Variants in FHIT observed in about 807,000 individuals in gnomAD.
The protein encoded by FHIT is bis(5'-adenosyl)-triphosphatase.
FHIT carries 19 observed loss-of-function variants against 17.9 expected under a neutral mutation model. The ratio of observed to expected loss-of-function variants is 1.06; its 90% CI spans 0.74 to 1.56. The LOEUF is 1.56. FHIT is among the 40% of genes most tolerant of loss of function. The pLI, the probability that FHIT is intolerant of heterozygous loss-of-function variation, is 0.00. For missense variants in FHIT, 248 were observed against 189.2 expected, an observed-to-expected ratio of 1.31 and a Z score of -1.82; for synonymous variants, 81 against 69.7, an observed-to-expected ratio of 1.16 and a Z score of -0.81.
At chr3:60,221,016 T>C (rs1703935608) in intron 5 of FHIT, among the ~76,000 whole-genome samples, 1 of 152,116 alleles carries the variant, frequency 6.6e-6, no homozygotes, top group Admixed American at 6.5e-5. Flanking sequence ...GCTAGCAACA[T>C]GAATTAACAA....
At chr3:60,134,133 C>G (rs1699709681) in intron 5 of FHIT, among the ~76,000 whole-genome samples, 1 of 152,082 alleles carries the variant, frequency 6.6e-6, no homozygotes, top group Non-Finnish European at 1.5e-5. Context: ...AGAAGTACTA[C>G]TCAGTCACTG....
At chr3:59,934,090 C>A (rs1706108009) in intron 7 of FHIT, among the ~76,000 whole-genome samples, 3 of 152,220 alleles carry the variant, frequency 2.0e-5, no homozygotes, top group South Asian at 4.1e-4. Flanking sequence ...CAAGAGGCAA[C>A]GGTAATAGCT....
chr3:61,181,866 T>A (rs2038354793), intron 2 of FHIT, among the ~76,000 whole-genome samples: 1 of 152,234 alleles, frequency 6.6e-6, no homozygotes, highest in Non-Finnish European at 1.5e-5. Context: ...ATGAAATAAA[T>A]ATTCTATTTA....
At chr3:61,192,406 C>A (rs1000084106) in intron 2 of FHIT, among the ~76,000 whole-genome samples, 15 of 152,140 alleles carry the variant, frequency 9.9e-5, no homozygotes, top group African/African-American at 3.6e-4. Context: ...CAGTGACAAC[C>A]ATCAAAGGCA....
intron 4 of FHIT, among the ~76,000 whole-genome samples, chr3:60,544,596 A>ATTTTTTTT (rs33965820): frequency 3.2e-5 from 4 of 124,436 alleles, no homozygotes; most frequent in Non-Finnish European, 4.8e-5. Flanking sequence ...TTCTCAACCT[A>ATTTTTTTT]TTTTTTTTTT....
chr3:61,166,347 T>C (rs1211756997), intron 2 of FHIT, among the ~76,000 whole-genome samples: 2 of 152,174 alleles, frequency 1.3e-5, no homozygotes, highest in South Asian at 2.1e-4. Context: ...CCAAACCTAG[T>C]GCTTTCTTCT....
At chr3:60,097,095 G>C (rs375313874) in intron 5 of FHIT, among the ~76,000 whole-genome samples, 23 of 150,860 alleles carry the variant, frequency 1.5e-4, no homozygotes, top group African/African-American at 5.1e-4. Context: ...TAGAGTACCA[G>C]GTGGCCAGGT....
At chr3:59,850,337 G>A (rs1701884306) in intron 8 of FHIT, among the ~76,000 whole-genome samples, 2 of 152,080 alleles carry the variant, frequency 1.3e-5, no homozygotes. Flanking sequence ...TTCCTAATTT[G>A]CAGCTGCATA....
chr3:59,925,044 TATC>T (rs2107203276), intron 7 of FHIT, among the ~76,000 whole-genome samples: 1 of 152,130 alleles, frequency 6.6e-6, no homozygotes, highest in South Asian at 2.1e-4. Context: ...TCTTTCCTTC[TATC>T]TTTTCTCTTT....
At chr3:60,356,282 T>C (rs1017925357) in intron 5 of FHIT, among the ~76,000 whole-genome samples, 6 of 152,184 alleles carry the variant, frequency 3.9e-5, no homozygotes, top group Non-Finnish European at 7.4e-5. Context: ...ACATCCTCCA[T>C]TGTAGAACAG....
At chr3:60,282,385 T>C (rs1391601363) in intron 5 of FHIT, among the ~76,000 whole-genome samples, 1 of 152,080 alleles carries the variant, frequency 6.6e-6, no homozygotes, top group East Asian at 1.9e-4. Flanking sequence ...TATGACATTA[T>C]GGAAAAGGGA....
chr3:61,196,841 A>G (rs973600256), intron 2 of FHIT, among the ~76,000 whole-genome samples: 1 of 152,170 alleles, frequency 6.6e-6, no homozygotes, highest in Non-Finnish European at 1.5e-5. Context: ...CCAACCCACA[A>G]TGCTGCAGGG....
intron 3 of FHIT, among the ~76,000 whole-genome samples, chr3:60,886,353 G>C (rs9849492): frequency 0.21 from 31,596 of 152,148 alleles, 3,513 homozygotes; most frequent in Middle Eastern, 0.27. Context: ...TTCATGAGAA[G>C]AACTTGAAAA....
chr3:60,702,541 G>A (rs547902279), intron 4 of FHIT, among the ~76,000 whole-genome samples: 85 of 150,924 alleles, frequency 5.6e-4, no homozygotes, highest in Middle Eastern at 3.5e-3. Context: ...TCTATTTCTA[G>A]ATAACTAGTT....
chr3:60,118,373 G>A (rs865777760), intron 5 of FHIT, among the ~76,000 whole-genome samples: 32 of 151,336 alleles, frequency 2.1e-4, no homozygotes, highest in Middle Eastern at 3.4e-3. Flanking sequence ...CTCCCAAAGC[G>A]CTGGGATTAT....
At chr3:60,002,366 G>A (rs1699762275) in intron 7 of FHIT, among the ~76,000 whole-genome samples, 1 of 152,066 alleles carries the variant, frequency 6.6e-6, no homozygotes, top group African/African-American at 2.4e-5. Flanking sequence ...GATGGAGAAG[G>A]CTTCCGAAGA....
At chr3:60,984,899 C>A (rs1432032195) in intron 3 of FHIT, among the ~76,000 whole-genome samples, 1 of 151,976 alleles carries the variant, frequency 6.6e-6, no homozygotes, top group Non-Finnish European at 1.5e-5. Flanking sequence ...CATTCAAACA[C>A]ATAATGATAA....
chr3:60,968,120 G>A (rs917130999), intron 3 of FHIT, among the ~76,000 whole-genome samples: 25 of 152,188 alleles, frequency 1.6e-4, no homozygotes, highest in African/African-American at 5.5e-4. Flanking sequence ...ATGGCAGCCC[G>A]AGTTGAGAGC....
chr3:60,839,410 G>C (rs1407282364), intron 3 of FHIT, among the ~76,000 whole-genome samples: 1 of 152,168 alleles, frequency 6.6e-6, no homozygotes, highest in South Asian at 2.1e-4. Flanking sequence ...TCTGTGACCA[G>C]TGAGTGAAGC....
Sources: gnomAD v4.1 joint callset for allele counts (sites outside exome capture counted in the v4.1 genomes callset) on GRCh38, gnomAD v4.1.1 for gene constraint, MANE v1.5 for transcripts, NCBI Gene and HGNC (gene_info 2026-07-23, HGNC 2026-07-21) for gene names.